Variants in ATG4C observed in about 807,000 individuals in gnomAD.
ATG4C encodes the protein cysteine protease ATG4C.
In ATG4C, 56 loss-of-function variants were observed where a neutral mutation model predicts 57.6. That is an observed-to-expected ratio of 0.97 (90% CI 0.78 to 1.21). ATG4C has a LOEUF of 1.21. ATG4C is among the 50% of genes most tolerant of loss of function. The pLI, the probability that ATG4C is intolerant of heterozygous loss-of-function variation, is 0.00. For missense variants in ATG4C, 595 were observed against 529.8 expected, an observed-to-expected ratio of 1.12 and a Z score of -1.21; for synonymous variants, 157 against 174.1, an observed-to-expected ratio of 0.90 and a Z score of 0.78.
At chr1:62,824,301 C>G (rs1665575857) in intron 6 of ATG4C, among the ~76,000 whole-genome samples, 1 of 152,080 alleles carries the variant, frequency 6.6e-6, no homozygotes, top group African/African-American at 2.4e-5. Context: ...CAATCTCTAT[C>G]CCGATGAGGG....
intron 10 of ATG4C, among the ~76,000 whole-genome samples, chr1:62,851,821 G>T (rs1321357165): frequency 6.6e-6 from 1 of 152,168 alleles, no homozygotes; most frequent in Non-Finnish European, 1.5e-5. Context: ...TAAGATAATT[G>T]TTTATGTAAG....
At chr1:62,818,884 C>G in intron 4 of ATG4C, 121 bp from the exon 5 acceptor site, 2 of 739,168 alleles carry the variant, frequency 2.7e-6, no homozygotes, top group South Asian at 2.3e-5. Context: ...ATGTATTTAC[C>G]TATTTTTGAA....
chr1:62,789,232 T>G (rs141625284), intron 1 of ATG4C, among the ~76,000 whole-genome samples: 1 of 152,356 alleles, frequency 6.6e-6, no homozygotes, highest in East Asian at 1.9e-4. Context: ...TATTTTAGTA[T>G]CACTATGTAC....
chr1:62,785,763 T>A (rs575349910), intron 1 of ATG4C, among the ~76,000 whole-genome samples: 1 of 152,304 alleles, frequency 6.6e-6, no homozygotes, highest in East Asian at 1.9e-4. Flanking sequence ...ATATTAATAC[T>A]GGTACAATGT....
chr1:62,846,988 C>T (rs1666343659), intron 10 of ATG4C, among the ~76,000 whole-genome samples: 2 of 152,084 alleles, frequency 1.3e-5, no homozygotes, highest in Non-Finnish European at 2.9e-5. Flanking sequence ...ACCAGTCTGG[C>T]CAACATGGTG....
rs1442422395 is a variant in ATG4C at position 62,864,131 on chromosome 1, T to G, written c.1349T>G (p.Phe450Cys). ...SEDEKKQLKRFSTEEFVLL is the reference protein window; with the variant it reads ...SEDEKKQLKRCSTEEFVLL ...GATGAAAAGAAACAATTAAAAAGATTTAGCACGGAAGAGTTTGTCTTGCTT... is the reference window on the plus strand; with the variant it reads ...GATGAAAAGAAACAATTAAAAAGATGTAGCACGGAAGAGTTTGTCTTGCTT... The change falls in exon 11 of 11, where the codon TTT becomes TGT. Residue 450 changes from phenylalanine (F) to cysteine (C), a missense_variant. Physicochemically the swap from Phe to Cys is radical, Grantham distance 205. Transcript: ENST00000317868. 1.9e-6 allele frequency: 3 copies of G among 1,605,682 alleles called. No homozygotes were observed. Among genetic ancestry groups the G allele is most frequent in the Non-Finnish European group, 2.5e-6 (3 of 1,177,328 alleles).
chr1:62,817,393 T>G (rs940158798), intron 4 of ATG4C, among the ~76,000 whole-genome samples: 1 of 152,216 alleles, frequency 6.6e-6, no homozygotes, highest in South Asian at 2.1e-4. Context: ...TTGCTCAGGC[T>G]AGAGTGCAGT....
At chr1:62,821,496 G>T (rs1665481452) in intron 6 of ATG4C, among the ~76,000 whole-genome samples, 1 of 152,068 alleles carries the variant, frequency 6.6e-6, no homozygotes, top group Admixed American at 6.5e-5. Context: ...TACTTGGGCT[G>T]CATGTATGCT....
At chr1:62,816,942 G>T in intron 4 of ATG4C, 134 bp downstream of exon 4, 1 of 731,204 alleles carries the variant, frequency 1.4e-6, no homozygotes, top group Non-Finnish European at 2.2e-6. Context: ...TTTCTAAGGA[G>T]TTGTAACTAA....
chr1:62,836,821 A>G (rs1030922348), intron 9 of ATG4C, among the ~76,000 whole-genome samples: 7 of 152,122 alleles, frequency 4.6e-5, no homozygotes, highest in African/African-American at 9.7e-5. Context: ...CTGATTCCAC[A>G]TAAATAATTG....
At chr1:62,817,556 A>G (rs1381689095) in intron 4 of ATG4C, among the ~76,000 whole-genome samples, 3 of 152,134 alleles carry the variant, frequency 2.0e-5, no homozygotes, top group Non-Finnish European at 2.9e-5. Context: ...TATGTTGCCC[A>G]GGCTAGTCTT....
chr1:62,816,740 G>A lies in ATG4C; in HGVS notation c.326G>A (p.Trp109Ter). Residue 109 changes from tryptophan to a stop codon, truncating the protein, a stop_gained, in exon 4 of 11, where the codon TGG (tryptophan) becomes TAG (stop). Coordinates refer to ENST00000317868, the MANE Select transcript of ATG4C (RefSeq NM_032852.4). LOFTEE classifies it high-confidence loss of function. Reference protein sequence around the residue: ...EGSALTTDCGWGCTLRTGQML... With the variant: ...EGSALTTDCG ...TCAGCTTTGACAACAGACTGTGGGT[G>A]GGGCTGCACATTGAGAACTGGCCAG... 6.2e-7 allele frequency: 1 copy of A among 1,613,766 alleles called. No individual in the cohort carries two copies. Among genetic ancestry groups the A allele is most frequent in the Non-Finnish European group, 8.5e-7 (1 of 1,179,840 alleles).
rs1466665156 is a variant in ATG4C, at chr1:62,864,008, C to T, written c.1226C>T (p.Ser409Phe). The T allele has an allele frequency of 1.3e-6, 2 of 1,574,522 alleles. No homozygotes were observed. The highest frequency in any genetic ancestry group is 2.3e-5 in the East Asian group (1 of 44,222). ...CTGTTACAGATGCTGAAATTTTCTT[C>T]TAAGGAGAAATATCCCTTATTTACT... ...EEITKMLKFS[S>F]KEKYPLFTFV... The change falls in exon 11 of 11, where the codon TCT becomes TTT. Residue 409 changes from serine to phenylalanine, a missense_variant. Physicochemically the swap from Ser to Phe is radical, Grantham distance 155. Coordinates refer to ENST00000317868, the MANE Select transcript of ATG4C (RefSeq NM_032852.4).
At chr1:62,798,246 T>G (rs140424800) in intron 1 of ATG4C, among the ~76,000 whole-genome samples, 33 of 152,370 alleles carry the variant, frequency 2.2e-4, no homozygotes, top group African/African-American at 7.2e-4. Context: ...CATCATTTAT[T>G]GAGGTAGTCA....
intron 3 of ATG4C, among the ~76,000 whole-genome samples, chr1:62,810,485 C>T (rs374666376): frequency 1.3e-5 from 2 of 152,142 alleles, no homozygotes; most frequent in East Asian, 3.8e-4. Context: ...AGACTTACGG[C>T]TTTTCACATT....
chr1:62,828,174 A>G (rs1291406047), intron 6 of ATG4C, among the ~76,000 whole-genome samples: 1 of 152,172 alleles, frequency 6.6e-6, no homozygotes, highest in Non-Finnish European at 1.5e-5. Context: ...CCCAGTAATC[A>G]TTGCTAGGTC....
chr1:62,846,940 G>A (rs1417333105), intron 10 of ATG4C, among the ~76,000 whole-genome samples: 1 of 152,178 alleles, frequency 6.6e-6, no homozygotes, highest in African/African-American at 2.4e-5. Flanking sequence ...ACTTTGGGAG[G>A]TCGAGGTGGC....
At chr1:62,817,744 C>G (rs1273527309) in intron 4 of ATG4C, among the ~76,000 whole-genome samples, 6 of 152,030 alleles carry the variant, frequency 3.9e-5, no homozygotes, top group Admixed American at 3.9e-4. Flanking sequence ...AATGTGCCAC[C>G]TTTGTGTTAG....
At chr1:62,829,385 C>G (rs943835464) in intron 7 of ATG4C, among the ~76,000 whole-genome samples, 1 of 152,014 alleles carries the variant, frequency 6.6e-6, no homozygotes, top group Non-Finnish European at 1.5e-5. Flanking sequence ...AAATGAAAAG[C>G]CTTTTAATCT....
Sources: allele counts gnomAD v4.1 joint callset (sites outside exome capture counted in the v4.1 genomes callset), GRCh38; gene constraint gnomAD v4.1.1; transcripts MANE v1.5; gene names NCBI Gene and HGNC (gene_info 2026-07-23, HGNC 2026-07-21).